Variants in TGFB2 observed in about 807,000 individuals in gnomAD.
TGFB2 encodes transforming growth factor beta-2 proprotein.
In TGFB2, 13 loss-of-function variants were observed where a neutral mutation model predicts 42.7. That is an observed-to-expected ratio of 0.30 (90% CI 0.20 to 0.48). The LOEUF (loss-of-function observed/expected upper bound fraction) is 0.48. TGFB2 is among the 20% of genes least tolerant of loss of function. TGFB2 has a pLI of 0.99. For synonymous variants in TGFB2, 193 were observed against 193.6 expected (o/e 1.00, Z 0.03); for missense variants, 390 against 517.5 (o/e 0.75, Z 2.39).
At chr1:218,413,561 C>T (rs1659168483) in intron 2 of TGFB2, among the ~76,000 whole-genome samples, 1 of 152,234 alleles carries the variant, frequency 6.6e-6, no homozygotes, top group Admixed American at 6.5e-5. Flanking sequence ...CCTCTCTCTA[C>T]AGAAAACTGT....
intron 1 of TGFB2, among the ~76,000 whole-genome samples, chr1:218,347,732 G>A (rs902926555): frequency 1.3e-5 from 2 of 152,182 alleles, no homozygotes; most frequent in African/African-American, 4.8e-5. Context: ...CTGGAGTGTA[G>A]AAAGGACAAC....
At chr1:218,363,351 A>G (rs1335580634) in intron 1 of TGFB2, 1 of 1,613,968 alleles carries the variant, frequency 6.2e-7, no homozygotes, top group South Asian at 1.1e-5. Flanking sequence ...CCCAGTTGTT[A>G]CAACACCCTC....
In TGFB2 at chr1:218,435,180, C is replaced by T. The variant is rs79537403; in HGVS notation, c.754+732C>T. On this transcript the variant is annotated intron_variant, in intron 4 of 6. Transcript: ENST00000366930. ...CAATGCCAGGCCAGAGAATTGATTT[C>T]CCTGCCCTCCTAACATCACCCAGGA... is the stretch of plus-strand genomic sequence containing the variant. 5.9e-5 allele frequency among the ~76,000 whole-genome samples: 9 copies of T among 152,272 alleles called. No individual in the cohort carries two copies. In the East Asian group the frequency reaches 1.7e-3, roughly 29 times the overall value.
intron 1 of TGFB2, among the ~76,000 whole-genome samples, chr1:218,349,144 T>C (rs543988263): frequency 6.6e-6 from 1 of 152,164 alleles, no homozygotes; most frequent in South Asian, 2.1e-4. Context: ...CCAAGATAAA[T>C]AAAATATACT....
chr1:218,376,755 C>G (rs1213818037), intron 1 of TGFB2, among the ~76,000 whole-genome samples: 1 of 152,192 alleles, frequency 6.6e-6, no homozygotes, highest in Non-Finnish European at 1.5e-5. Context: ...TATCCCTGCC[C>G]TCAAGTAGCT....
At chr1:218,353,667 C>T (rs943942509) in intron 1 of TGFB2, among the ~76,000 whole-genome samples, 2 of 152,154 alleles carry the variant, frequency 1.3e-5, no homozygotes, top group East Asian at 1.9e-4. Flanking sequence ...GAAGCTGAGG[C>T]GGGAGGATCA....
At chr1:218,381,264 T>G (rs369279188) in intron 1 of TGFB2, among the ~76,000 whole-genome samples, 207 of 150,340 alleles carry the variant, frequency 1.4e-3, no homozygotes, top group Non-Finnish European at 1.7e-3. Context: ...TTTTGTTTTT[T>G]TTTTTTTTTG....
Position 218,442,509 on chromosome 1 carries a change from T to C in TGFB2, c.*1147T>C, listed in dbSNP as rs1660187115. ...AATTTGGGCTCTTTTTAATGATCAC[T>C]CACAAATGTATGTTTCTTTTAGCTG... is the stretch of plus-strand genomic sequence containing the variant. On this transcript the variant is annotated 3_prime_UTR_variant, in exon 7 of 7. Coordinates refer to ENST00000366930, the MANE Select transcript of TGFB2 (RefSeq NM_003238.6). The C allele has an allele frequency of 1.3e-5, 2 of 152,266 alleles. No individual in the cohort carries two copies. Among genetic ancestry groups the C allele is most frequent in the South Asian group, 2.1e-4 (1 of 4,830 alleles). The allele number at this position is 152,266 out of a possible 1,614,324, so 9.4% of individuals were successfully genotyped here. A position where few individuals can be genotyped will look rare whatever the true frequency, so the allele number is the denominator to read the frequency against.
intron 2 of TGFB2, among the ~76,000 whole-genome samples, chr1:218,425,079 C>T (rs1342336498): frequency 3.3e-5 from 5 of 152,068 alleles, no homozygotes; most frequent in African/African-American, 9.7e-5. Flanking sequence ...CTCCAGAGGG[C>T]GAAAAACAAT....
chr1:218,429,635 G>A (rs942801681), intron 2 of TGFB2, among the ~76,000 whole-genome samples: 3 of 152,108 alleles, frequency 2.0e-5, no homozygotes, highest in African/African-American at 4.8e-5. Context: ...TGGATCATGG[G>A]GTAATTCAAT....
intron 1 of TGFB2, among the ~76,000 whole-genome samples, chr1:218,357,342 A>T (rs1179711319): frequency 6.6e-6 from 1 of 152,210 alleles, no homozygotes; most frequent in Non-Finnish European, 1.5e-5. Flanking sequence ...AGCCACACTA[A>T]GGCCTTGGGT....
chr1:218,380,529 C>G (rs1171553971), intron 1 of TGFB2, among the ~76,000 whole-genome samples: 2 of 152,106 alleles, frequency 1.3e-5, no homozygotes, highest in East Asian at 3.9e-4. Flanking sequence ...TTTTTAATAT[C>G]TTTATTTGAA....
At chr1:218,394,194 C>G (rs1490689356) in intron 1 of TGFB2, among the ~76,000 whole-genome samples, 1 of 152,166 alleles carries the variant, frequency 6.6e-6, no homozygotes, top group East Asian at 1.9e-4. Context: ...TAGGCGTAAG[C>G]CACCGCACCC....
At chr1:218,403,010 A>T (rs954631551) in intron 1 of TGFB2, among the ~76,000 whole-genome samples, 5 of 152,124 alleles carry the variant, frequency 3.3e-5, no homozygotes, top group African/African-American at 1.2e-4. Context: ...GAGGAGAAAA[A>T]GTTCTATTTG....
At position 218,441,530 on chromosome 1, in the gene TGFB2, C is replaced by G; in HGVS notation, c.*168C>G. Reference sequence around the variant, plus strand: ...TTCAGACACTTTGGAAGTTTGTGTTCTGTTTGTTAAAACTGGCATCTGACA... The same window carrying G: ...TTCAGACACTTTGGAAGTTTGTGTTGTGTTTGTTAAAACTGGCATCTGACA... On this transcript the variant is annotated 3_prime_UTR_variant, in exon 7 of 7. Coordinates refer to ENST00000366930, the MANE Select transcript of TGFB2 (RefSeq NM_003238.6). The G allele has an allele frequency of 1.8e-6, 1 of 568,438 alleles. No homozygotes were observed. Among genetic ancestry groups the G allele is most frequent in the Non-Finnish European group, 2.7e-6 (1 of 363,920 alleles). 35.2% of individuals were successfully genotyped at this position (568,438 alleles called of 1,614,324 possible). A position where few individuals can be genotyped will look rare whatever the true frequency, so the allele number is the denominator to read the frequency against.
intron 1 of TGFB2, among the ~76,000 whole-genome samples, chr1:218,398,140 G>C (rs1195948904): frequency 6.6e-6 from 1 of 152,242 alleles, no homozygotes; most frequent in Non-Finnish European, 1.5e-5. Flanking sequence ...GAGTCAACCA[G>C]TATGTAGTCA....
chr1:218,381,091 C>T lies in TGFB2; in HGVS notation c.347-24078C>T, dbSNP rs193205004. 5.9e-5 allele frequency among the ~76,000 whole-genome samples: 9 copies of T among 152,218 alleles called. No homozygotes were observed. In the East Asian group the frequency reaches 7.7e-4, roughly 13 times the overall value. ...AGCAAGGAATGACAGTGCATCAAGC[C>T]GAACCCCAACAAGTCAAGGCACTTA... On this transcript the variant is annotated intron_variant, in intron 1 of 6. Transcript: ENST00000366930.
intron 2 of TGFB2, 45 bp from the exon 3 acceptor site, chr1:218,434,037 C>T: frequency 1.2e-6 from 2 of 1,607,912 alleles, no homozygotes; most frequent in Non-Finnish European, 1.7e-6. Context: ...GTCATGCTGT[C>T]AGAATGCCAA....
intron 2 of TGFB2, among the ~76,000 whole-genome samples, chr1:218,412,360 C>T (rs897970118): frequency 2.3e-4 from 35 of 152,322 alleles, no homozygotes; most frequent in African/African-American, 8.4e-4. Flanking sequence ...TTCCAAGGAA[C>T]TGAGCCATAT....
Sources: gnomAD v4.1 joint callset for allele counts (sites outside exome capture counted in the v4.1 genomes callset) on GRCh38, gnomAD v4.1.1 for gene constraint, MANE v1.5 for transcripts, NCBI Gene and HGNC (gene_info 2026-07-23, HGNC 2026-07-21) for gene names.